The following RERE variants were observed in gnomAD, a reference collection of about 807,000 sequenced individuals.
The protein encoded by RERE is arginine-glutamic acid dipeptide repeats protein.
In RERE, 40 loss-of-function variants were observed where a neutral mutation model predicts 146.1. That is an observed-to-expected ratio of 0.27 (90% CI 0.21 to 0.36). The LOEUF is 0.36. Ranked by LOEUF, RERE falls within the 10% of genes least tolerant of loss-of-function variation. RERE has a pLI of 1.00. For synonymous variants in RERE, 1,003 were observed against 866.0 expected (o/e 1.16, Z -2.78); for missense variants, 1,933 against 2,138.7 (o/e 0.90, Z 1.90).
chr1:8,522,873 CAA>C (rs375276358), intron 7 of RERE, among the ~76,000 whole-genome samples: 2 of 127,502 alleles, frequency 1.6e-5, no homozygotes, highest in African/African-American at 2.9e-5. Flanking sequence ...GACTCCGTCT[CAA>C]AAAAAAAAAA....
chr1:8,633,275 T>C (rs1006089073), intron 2 of RERE, among the ~76,000 whole-genome samples: 2 of 152,098 alleles, frequency 1.3e-5, no homozygotes, highest in Non-Finnish European at 2.9e-5. Flanking sequence ...TTTTTTTAAA[T>C]AGCTGGGCAC....
chr1:8,522,594 G>A lies in RERE; in HGVS notation c.831-13919C>T, dbSNP rs372698718. ...GAAGATTAAGAATGAAGTGTCAGCC[G>A]GGCAGGGCGGCTCACACCTATAATC... is the stretch of plus-strand genomic sequence containing the variant. On this transcript the variant is annotated intron_variant, in intron 7 of 22. Coordinates refer to ENST00000400908, the MANE Select transcript of RERE (RefSeq NM_001042681.2). 9.2e-5 allele frequency among the ~76,000 whole-genome samples: 14 copies of A among 152,132 alleles called. No homozygotes were observed. In the East Asian group the frequency reaches 1.7e-3, roughly 19 times the overall value.
In RERE at chr1:8,360,146, C is replaced by A. The variant is rs1193546776; in HGVS notation, c.3361G>T (p.Val1121Leu). 1 of 1,595,072 alleles carries A rather than the reference C, an allele frequency of 6.3e-7. No homozygotes were observed. The highest frequency in any genetic ancestry group is 1.7e-5 in the Admixed American group (1 of 58,628). The stretch of plus-strand genomic sequence containing the variant: ...TGGCTGGCGTGACTGGGGGTGTCCA[C>A]CACAGTGGGCTCCGGGGACGGGCTC... Reference protein sequence around the residue: ...PRSPSPEPTVVDTPSHASQSA... With the variant: ...PRSPSPEPTVLDTPSHASQSA... Residue 1121 changes from valine to leucine, a missense_variant, in exon 18 of 23, where the codon GTG becomes TTG. Val to Leu is a conservative substitution (Grantham distance 32). Coordinates refer to ENST00000400908, the MANE Select transcript of RERE (RefSeq NM_001042681.2).
chr1:8,705,854 C>T (rs1329860394), intron 1 of RERE, among the ~76,000 whole-genome samples: 2 of 152,138 alleles, frequency 1.3e-5, no homozygotes, highest in African/African-American at 2.4e-5. Context: ...CGGTGGCTCA[C>T]GCCTATAATC....
At chr1:8,699,320 T>C (rs140057015) in intron 1 of RERE, among the ~76,000 whole-genome samples, 26 of 152,234 alleles carry the variant, frequency 1.7e-4, no homozygotes, top group African/African-American at 6.0e-4. Flanking sequence ...AGAATAGAAC[T>C]CAAACTCAGA....
At chr1:8,698,065 T>G (rs1355187169) in intron 1 of RERE, among the ~76,000 whole-genome samples, 1 of 152,238 alleles carries the variant, frequency 6.6e-6, no homozygotes, top group Non-Finnish European at 1.5e-5. Flanking sequence ...GAACGGCTAT[T>G]CCTTAGGCAG....
chr1:8,816,102 T>A (rs1355780923), intron 1 of RERE, among the ~76,000 whole-genome samples: 2 of 152,168 alleles, frequency 1.3e-5, no homozygotes, highest in Non-Finnish European at 2.9e-5. Flanking sequence ...AAAAGACCAG[T>A]GTACACTAGA....
At chr1:8,786,561 G>T (rs968373660) in intron 1 of RERE, 25 of 775,134 alleles carry the variant, frequency 3.2e-5, no homozygotes, top group Non-Finnish European at 5.8e-5. Flanking sequence ...CTGAAGCCTT[G>T]TTGAGCTTCA....
At chr1:8,672,313 A>C (rs1291255668) in intron 1 of RERE, among the ~76,000 whole-genome samples, 2 of 151,998 alleles carry the variant, frequency 1.3e-5, no homozygotes, top group African/African-American at 4.8e-5. Context: ...AGCTGGGACT[A>C]CAGGTACGTA....
intron 1 of RERE, among the ~76,000 whole-genome samples, chr1:8,716,118 C>T (rs1460615632): frequency 6.6e-6 from 1 of 151,350 alleles, no homozygotes; most frequent in African/African-American, 2.4e-5. Flanking sequence ...GCACTCCTTC[C>T]TGGGCAACAA....
chr1:8,501,893 G>GA (rs1645166502), intron 8 of RERE, among the ~76,000 whole-genome samples: 1 of 100,402 alleles, frequency 1.0e-5, no homozygotes, highest in Non-Finnish European at 2.0e-5. Context: ...GGTGGGGGGG[G>GA]TCAGCCCCCC....
At chr1:8,530,679 C>CTTTTCTTT (rs1645632966) in intron 7 of RERE, among the ~76,000 whole-genome samples, 1 of 96,950 alleles carries the variant, frequency 1.0e-5, no homozygotes, top group African/African-American at 4.0e-5. Context: ...TTTTCGTTTT[C>CTTTTCTTT]TTTTTTTTTT....
At chr1:8,580,778 T>A (rs1646354769) in intron 4 of RERE, among the ~76,000 whole-genome samples, 2 of 151,596 alleles carry the variant, frequency 1.3e-5, no homozygotes, top group Admixed American at 1.3e-4. Context: ...TGTGGTGTGA[T>A]CTCGGCTCAC....
intron 12 of RERE, among the ~76,000 whole-genome samples, chr1:8,399,249 T>C (rs1643165781): frequency 6.6e-6 from 1 of 152,154 alleles, no homozygotes; most frequent in Non-Finnish European, 1.5e-5. Flanking sequence ...TATCATTTAC[T>C]TTTTGAGTTG....
At chr1:8,436,689 T>C (rs1644174327) in intron 11 of RERE, among the ~76,000 whole-genome samples, 1 of 152,230 alleles carries the variant, frequency 6.6e-6, no homozygotes, top group Non-Finnish European at 1.5e-5. Flanking sequence ...AACCATACTT[T>C]AAAAAGAAAC....
intron 4 of RERE, among the ~76,000 whole-genome samples, chr1:8,592,818 G>A (rs1646511283): frequency 6.6e-6 from 1 of 152,104 alleles, no homozygotes; most frequent in South Asian, 2.1e-4. Context: ...GTTTGTTTAA[G>A]AAAATGAACA....
At position 8,526,930 on chromosome 1, in the gene RERE, G is replaced by C. The variant is rs571709179; in HGVS notation, c.830+14284C>G. 1.8e-4 allele frequency among the ~76,000 whole-genome samples: 28 copies of C among 152,224 alleles called. 1 individual carries two copies. Among genetic ancestry groups the C allele is most frequent in the Non-Finnish European group, 3.2e-4 (22 of 68,000 alleles). On this transcript the variant is annotated intron_variant, in intron 7 of 22. Coordinates refer to ENST00000400908, the MANE Select transcript of RERE (RefSeq NM_001042681.2). ...TATTAATCAGTTACAAAAAGAAAAA[G>C]AAATGGAAGACCATGAACCTCGCCA...
At chr1:8,748,751 G>A (rs1640473171) in intron 1 of RERE, among the ~76,000 whole-genome samples, 2 of 152,110 alleles carry the variant, frequency 1.3e-5, no homozygotes, top group Non-Finnish European at 2.9e-5. Context: ...AGCCCCAAAG[G>A]TGTGGACTTT....
intron 1 of RERE, among the ~76,000 whole-genome samples, chr1:8,657,949 T>C (rs1176836724): frequency 3.3e-5 from 5 of 152,190 alleles, no homozygotes; most frequent in Non-Finnish European, 5.9e-5. Context: ...TCTTCCAGAT[T>C]TCTACTATAA....
Sources: allele counts gnomAD v4.1 joint callset (sites outside exome capture counted in the v4.1 genomes callset), GRCh38; gene constraint gnomAD v4.1.1; transcripts MANE v1.5; gene names NCBI Gene and HGNC (gene_info 2026-07-23, HGNC 2026-07-21).